Variants in CDRT4 observed in about 807,000 individuals in gnomAD.
CDRT4 encodes CMT1A duplicated region transcript 4 protein.
For synonymous variants in CDRT4, 64 were observed against 69.6 expected (o/e 0.92, Z 0.40); for missense variants, 167 against 193.1 (o/e 0.87, Z 0.80).
rs1167775211 is a variant in CDRT4 at position 15,464,524 on chromosome 17, A to C, written c.-130+2936T>G. ...AGATGCTGGGCATTAGCAATCTGAG[A>C]GCTGGGTAACAAGTCCTGGGGTGGG... is the stretch of plus-strand genomic sequence containing the variant. On this transcript the variant is annotated intron_variant, in intron 1 of 3. Coordinates refer to ENST00000619038, the MANE Select transcript of CDRT4 (RefSeq NM_001204477.2). This position sits in a 1 kb window ranked among gnomAD's most constrained non-coding sequence, Gnocchi z 4.5. 6.6e-6 allele frequency among the ~76,000 whole-genome samples: 1 copy of C among 151,946 alleles called. No homozygotes were observed. Among genetic ancestry groups the C allele is most frequent in the Non-Finnish European group, 1.5e-5 (1 of 67,978 alleles).
At chr17:15,438,279 T>TG in intron 3 of CDRT4, 79 bp from the exon 4 acceptor site, 1 of 1,435,934 alleles carries the variant, frequency 7.0e-7, no homozygotes, top group Non-Finnish European at 9.5e-7. Flanking sequence ...GGGAAGGCAT[T>TG]GGAACCAGAT....
rs1051035105 is a variant in CDRT4, at chr17:15,436,950, G to A, written c.*823C>T. Reference sequence around the variant, plus strand: ...ATCTGCTAGGCTAAAGGAGGAAGTAGGAAGTGGCCCCTTGCTCACTTCCTG... The same window carrying A: ...ATCTGCTAGGCTAAAGGAGGAAGTAAGAAGTGGCCCCTTGCTCACTTCCTG... On this transcript the variant is annotated 3_prime_UTR_variant, in exon 4 of 4. Transcript: ENST00000619038. 6.6e-6 allele frequency: 1 copy of A among 152,228 alleles called. No homozygotes were observed. Among genetic ancestry groups the A allele is most frequent in the Non-Finnish European group, 1.5e-5 (1 of 68,056 alleles). The allele number at this position is 152,228 out of a possible 1,614,324, so 9.4% of individuals were successfully genotyped here.
intron 2 of CDRT4, 149 bp from the exon 3 acceptor site, chr17:15,440,434 G>A: frequency 1.1e-6 from 1 of 930,972 alleles, no homozygotes; most frequent in East Asian, 2.7e-5. Flanking sequence ...TGTTTTTTGT[G>A]GAGCTGGAGA....
chr17:15,457,892 G>T (rs1343718640), intron 1 of CDRT4, among the ~76,000 whole-genome samples: 1 of 152,194 alleles, frequency 6.6e-6, no homozygotes, highest in Non-Finnish European at 1.5e-5. Flanking sequence ...TCCAGCTAAA[G>T]AACCCTCTGT....
intron 2 of CDRT4, 77 bp from the exon 3 acceptor site, chr17:15,440,362 T>G: frequency 6.7e-7 from 1 of 1,498,624 alleles, no homozygotes; most frequent in Non-Finnish European, 9.1e-7. Context: ...GTGGGGGTGG[T>G]TCTAAGTCCT....
rs1979916784 is a variant in CDRT4 at position 15,464,737 on chromosome 17, T to C, written c.-130+2723A>G. On this transcript the variant is annotated intron_variant, in intron 1 of 3. Coordinates refer to ENST00000619038, the MANE Select transcript of CDRT4 (RefSeq NM_001204477.2). The surrounding 1 kb of genome is among the most constrained non-coding windows in gnomAD (Gnocchi z 4.5). ...TCTTCCATTGACCCCCAAGCTTCCG[T>C]TACTTGTATTTTGCTCCTTTTCTCT... Among the ~76,000 whole-genome samples, 1 of 152,154 alleles carries C rather than the reference T, an allele frequency of 6.6e-6. No individual in the cohort carries two copies. Among genetic ancestry groups the C allele is most frequent in the Non-Finnish European group, 1.5e-5 (1 of 68,034 alleles).
intron 1 of CDRT4, among the ~76,000 whole-genome samples, chr17:15,462,155 C>T (rs946100478): frequency 0.044 from 5 of 114 alleles, no homozygotes; most frequent in African/African-American, 0.16. Context: ...CTAGGCCGGG[C>T]GTGGTCGTCA....
chr17:15,466,341 G>C (rs1980041061), intron 1 of CDRT4, among the ~76,000 whole-genome samples: 1 of 152,180 alleles, frequency 6.6e-6, no homozygotes. Flanking sequence ...TGGGAGCCTG[G>C]GCGCTGGGCC....
intron 2 of CDRT4, chr17:15,444,316 C>A (rs1311866268): frequency 8.6e-6 from 4 of 463,104 alleles, no homozygotes; most frequent in Non-Finnish European, 1.6e-5. Flanking sequence ...AATTAAAATG[C>A]TTCTAAACCC....
intron 1 of CDRT4, among the ~76,000 whole-genome samples, chr17:15,454,272 T>C (rs1046474051): frequency 6.6e-6 from 1 of 152,138 alleles, no homozygotes; most frequent in Non-Finnish European, 1.5e-5. Context: ...AGGCACTCTG[T>C]AGAGCTCATC....
intron 1 of CDRT4, among the ~76,000 whole-genome samples, chr17:15,463,449 C>A (rs192216914): frequency 2.4e-4 from 37 of 152,242 alleles, no homozygotes; most frequent in African/African-American, 8.2e-4. Context: ...ACCTTAAATA[C>A]AAAGGTAAAA....
At chr17:15,448,438 G>A (rs756131884) in intron 2 of CDRT4, among the ~76,000 whole-genome samples, 10 of 152,194 alleles carry the variant, frequency 6.6e-5, no homozygotes, top group Non-Finnish European at 1.2e-4. Flanking sequence ...AAAGCAAAAG[G>A]TGTAGGGCTT....
intron 1 of CDRT4, among the ~76,000 whole-genome samples, chr17:15,465,800 A>G (rs1980010642): frequency 6.6e-6 from 1 of 152,204 alleles, no homozygotes. Context: ...TGGTCAGGGA[A>G]GAGGGGGAGG....
intron 1 of CDRT4, among the ~76,000 whole-genome samples, chr17:15,465,745 C>T (rs540681950): frequency 2.6e-4 from 40 of 152,342 alleles, no homozygotes; most frequent in African/African-American, 8.9e-4. Flanking sequence ...TGCACAGACA[C>T]GCATGCTAAC....
intron 2 of CDRT4, among the ~76,000 whole-genome samples, chr17:15,444,585 G>C (rs1479932836): frequency 6.6e-6 from 1 of 152,138 alleles, no homozygotes; most frequent in Admixed American, 6.5e-5. Flanking sequence ...GGGCGCGGTG[G>C]CTCACACTGT....
Position 15,437,514 on chromosome 17 carries a change from G to C in CDRT4, c.*259C>G. The C allele has an allele frequency of 1.9e-6, 1 of 522,486 alleles. No individual in the cohort carries two copies. The highest frequency in any genetic ancestry group is 3.1e-5 in the East Asian group (1 of 31,984). 32.4% of individuals were successfully genotyped at this position (522,486 alleles called of 1,614,324 possible). On this transcript the variant is annotated 3_prime_UTR_variant, in exon 4 of 4. Transcript: ENST00000619038. ...GACAAATCACCCACATTTTGGTCCT[G>C]AGAATCTGCAGCAGAGACTAGAGCC... is the stretch of plus-strand genomic sequence containing the variant.
At chr17:15,467,190 G>GA (rs1256797059) in intron 1 of CDRT4, among the ~76,000 whole-genome samples, 2 of 152,196 alleles carry the variant, frequency 1.3e-5, no homozygotes, top group Non-Finnish European at 2.9e-5. Flanking sequence ...GCCCTCTGCA[G>GA]ACAAAGTAAA....
chr17:15,455,130 G>A (rs1300458643), intron 1 of CDRT4, among the ~76,000 whole-genome samples: 3 of 152,162 alleles, frequency 2.0e-5, no homozygotes, highest in Non-Finnish European at 4.4e-5. Context: ...ACAGAGAAAA[G>A]GAAAACAAGT....
At chr17:15,453,907 T>G (rs964475344) in intron 1 of CDRT4, among the ~76,000 whole-genome samples, 10 of 152,178 alleles carry the variant, frequency 6.6e-5, no homozygotes, top group Admixed American at 6.5e-4. Context: ...TTTCATGAGA[T>G]AATTCATATA....
Sources: gnomAD v4.1 joint callset for allele counts (sites outside exome capture counted in the v4.1 genomes callset) on GRCh38, gnomAD v4.1.1 for gene constraint, Gnocchi (gnomAD v3.1) non-coding constraint, MANE v1.5 for transcripts, NCBI Gene and HGNC (gene_info 2026-07-23, HGNC 2026-07-21) for gene names.